The following PACSIN1 variants were observed in gnomAD, a reference collection of about 807,000 sequenced individuals.
The protein encoded by PACSIN1 is protein kinase C and casein kinase substrate in neurons 1.
In PACSIN1, 15 loss-of-function variants were observed where a neutral mutation model predicts 59.5. The observed-to-expected ratio is 0.25, with a 90% CI of 0.17 to 0.39. PACSIN1 has a LOEUF of 0.39. Among genes scored for constraint, PACSIN1 ranks in the 10% least tolerant of loss-of-function variants. The pLI, the probability that PACSIN1 is intolerant of heterozygous loss-of-function variation, is 1.00. For synonymous variants in PACSIN1, 210 were observed against 220.6 expected, an observed-to-expected ratio of 0.95 and a Z score of 0.42; for missense variants, 420 against 580.2, an observed-to-expected ratio of 0.72 and a Z score of 2.84.
chr6:34,487,190 CAATT>C (rs1766807659), intron 1 of PACSIN1, among the ~76,000 whole-genome samples: 1 of 151,898 alleles, frequency 6.6e-6, no homozygotes, highest in Non-Finnish European at 1.5e-5. Context: ...ATCAGTTAAT[CAATT>C]AATTAAAGTA....
At chr6:34,509,484 T>C (rs1767166335) in intron 1 of PACSIN1, among the ~76,000 whole-genome samples, 1 of 152,220 alleles carries the variant, frequency 6.6e-6, no homozygotes, top group Non-Finnish European at 1.5e-5. Context: ...TAGTAATATG[T>C]TTTGAAATCA....
rs764615541 is a variant in PACSIN1, at chr6:34,527,313, C to G, written c.64-19C>G. The G allele has an allele frequency of 7.2e-6, 11 of 1,530,556 alleles. No individual in the cohort carries two copies. The highest frequency in any genetic ancestry group is 8.8e-6 in the Non-Finnish European group (10 of 1,137,038). 94.8% of individuals were successfully genotyped at this position (1,530,556 alleles called of 1,614,324 possible). A position where few individuals can be genotyped will look rare whatever the true frequency, so the allele number is the denominator to read the frequency against. On this transcript the variant is annotated intron_variant, in intron 2 of 9. Transcript: ENST00000244458. ...ACGCTGGGAACCCGCGGGAGTGGTG[C>G]TCGCTGCTTGGCCGCCAGGTGGGGA...
rs375420554 is a variant in PACSIN1, at chr6:34,526,280, C to T, written c.-26C>T. 1.2e-5 allele frequency: 19 copies of T among 1,607,006 alleles called. No homozygotes were observed. Among genetic ancestry groups the T allele is most frequent in the African/African-American group, 8.0e-5 (6 of 74,824 alleles). On this transcript the variant is annotated 5_prime_UTR_variant, in exon 2 of 10. Transcript: ENST00000244458. The stretch of plus-strand genomic sequence containing the variant: ...CGAGCCTGCTAACCGCAGCTCCGCA[C>T]TTGTCCATCCCCCTGCGGCTACACC...
chr6:34,479,453 T>C (rs903956883), intron 1 of PACSIN1, among the ~76,000 whole-genome samples: 5 of 152,202 alleles, frequency 3.3e-5, no homozygotes, highest in African/African-American at 1.2e-4. Context: ...TCTTTCTTTC[T>C]TTCTTTTTTG....
In PACSIN1 at chr6:34,521,482, C is replaced by A. The variant is rs1241977932; in HGVS notation, c.-63-4761C>A. ...AGGCAGCTTTCAGGAGATGCCTGGG[C>A]CTGAGGAGAGATGCCCTCCACGCTG... On this transcript the variant is annotated intron_variant, in intron 1 of 9. Coordinates refer to ENST00000244458, the MANE Select transcript of PACSIN1 (RefSeq NM_020804.5). The surrounding 1 kb of genome is among the most constrained non-coding windows in gnomAD (Gnocchi z 4.3). 6.6e-6 allele frequency among the ~76,000 whole-genome samples: 1 copy of A among 152,284 alleles called. No individual in the cohort carries two copies. The highest frequency in any genetic ancestry group is 1.5e-5 in the Non-Finnish European group (1 of 68,020).
chr6:34,489,863 G>A (rs966019385), intron 1 of PACSIN1, among the ~76,000 whole-genome samples: 41 of 152,320 alleles, frequency 2.7e-4, no homozygotes, highest in Middle Eastern at 3.4e-3. Flanking sequence ...CATAAAAAGC[G>A]TGTAAGCCCT....
intron 1 of PACSIN1, among the ~76,000 whole-genome samples, chr6:34,474,645 C>G (rs1181249734): frequency 1.3e-5 from 2 of 152,032 alleles, no homozygotes; most frequent in East Asian, 3.9e-4. Context: ...CAAAAATTAG[C>G]CAGGTGTGAT....
At position 34,529,989 on chromosome 6, in the gene PACSIN1, G is replaced by A. The variant is rs147978116; in HGVS notation, c.788+148G>A. ...GAAGGATGAGGCTTCAAACACAGGG[G>A]CTGTTGAGTGCAAGCTGACGCACAC... On this transcript the variant is annotated intron_variant, in intron 6 of 9. Transcript: ENST00000244458. This position sits in a 1 kb window ranked among gnomAD's most constrained non-coding sequence, Gnocchi z 6.3. 49 of 976,494 alleles carry A rather than the reference G, an allele frequency of 5.0e-5. No individual in the cohort carries two copies. In the East Asian group the frequency reaches 1.3e-3, roughly 25 times the overall value. The allele number at this position is 976,494 out of a possible 1,614,324, so 60.5% of individuals were successfully genotyped here.
intron 1 of PACSIN1, among the ~76,000 whole-genome samples, chr6:34,466,476 C>T (rs1766498149): frequency 6.6e-6 from 1 of 152,190 alleles, no homozygotes; most frequent in Non-Finnish European, 1.5e-5. Flanking sequence ...CCAGGCAGTG[C>T]CAGGATGCCA....
rs1238129508 is a variant in PACSIN1, at chr6:34,525,876, G to C, written c.-63-367G>C. Among the ~76,000 whole-genome samples, 1 of 152,150 alleles carries C rather than the reference G, an allele frequency of 6.6e-6. No homozygotes were observed. Among genetic ancestry groups the C allele is most frequent in the Non-Finnish European group, 1.5e-5 (1 of 68,012 alleles). On this transcript the variant is annotated intron_variant, in intron 1 of 9. Transcript: ENST00000244458. This position sits in a 1 kb window ranked among gnomAD's most constrained non-coding sequence, Gnocchi z 4.9. ...GCTGCTGAGGTTGGGAGCAAGGGCA[G>C]ACAGAAGGGCATTTACAGGGTCCCG...
At chr6:34,491,628 T>G (rs1312897803) in intron 1 of PACSIN1, among the ~76,000 whole-genome samples, 11 of 152,014 alleles carry the variant, frequency 7.2e-5, no homozygotes, top group Admixed American at 7.2e-4. Context: ...TTTTTTTTTT[T>G]GAGGCGAAGT....
At chr6:34,508,019 A>G (rs577103080) in intron 1 of PACSIN1, among the ~76,000 whole-genome samples, 1 of 152,342 alleles carries the variant, frequency 6.6e-6, no homozygotes, top group South Asian at 2.1e-4. Flanking sequence ...ACAGGAGTAC[A>G]AATTTGTCTT....
intron 4 of PACSIN1, 27 bp downstream of exon 4, chr6:34,528,904 G>T: frequency 7.2e-7 from 1 of 1,382,054 alleles, no homozygotes; most frequent in Non-Finnish European, 1.0e-6. Context: ...GCCACGGGCG[G>T]GGTGGGGTGG....
At chr6:34,486,823 C>T (rs559307603) in intron 1 of PACSIN1, among the ~76,000 whole-genome samples, 4 of 151,592 alleles carry the variant, frequency 2.6e-5, no homozygotes, top group Non-Finnish European at 5.9e-5. Context: ...TCTTCTGGAC[C>T]CTGGCTGCAC....
chr6:34,531,083 C>T lies in PACSIN1; in HGVS notation c.1037+496C>T, dbSNP rs1281492789. Among the ~76,000 whole-genome samples, 2 of 152,136 alleles carry T rather than the reference C, an allele frequency of 1.3e-5. No individual in the cohort carries two copies. The highest frequency in any genetic ancestry group is 4.8e-5 in the African/African-American group (2 of 41,414). ...CCCGGTCCAGATCACAGGAACCAAG[C>T]CTCCTCTCTAAAAGATAGTGGTAGC... On this transcript the variant is annotated intron_variant, in intron 8 of 9. Transcript: ENST00000244458. The surrounding 1 kb of genome is among the most constrained non-coding windows in gnomAD (Gnocchi z 4.4).
At chr6:34,507,420 C>T (rs1025095702) in intron 1 of PACSIN1, among the ~76,000 whole-genome samples, 4 of 152,054 alleles carry the variant, frequency 2.6e-5, no homozygotes, top group Admixed American at 1.3e-4. Context: ...GTGTATACTC[C>T]ATCTTGTTCA....
At position 34,468,565 on chromosome 6, in the gene PACSIN1, A is replaced by G. The variant is rs547754424; in HGVS notation, c.-64+2295A>G. Among the ~76,000 whole-genome samples the G allele has an allele frequency of 2.8e-3, 430 of 152,048 alleles. 4 individuals are homozygous for G. The highest frequency in any genetic ancestry group is 9.8e-3 in the African/African-American group (407 of 41,474). On this transcript the variant is annotated intron_variant, in intron 1 of 9. Coordinates refer to ENST00000244458, the MANE Select transcript of PACSIN1 (RefSeq NM_020804.5). ...CTCTGCCCCCTGGCTGCCCTGAGCTACTTTCAGTTCCTCAAGCAAGTGGGG... is the reference window on the plus strand; with the variant it reads ...CTCTGCCCCCTGGCTGCCCTGAGCTGCTTTCAGTTCCTCAAGCAAGTGGGG...
At chr6:34,509,220 CT>C (rs1300499744) in intron 1 of PACSIN1, among the ~76,000 whole-genome samples, 7 of 152,132 alleles carry the variant, frequency 4.6e-5, no homozygotes, top group Non-Finnish European at 1.0e-4. Flanking sequence ...CAAATTCATT[CT>C]TTTGCATGTA....
rs765348923 is a variant in PACSIN1, at chr6:34,532,476, G to T, written c.1281G>T (p.Arg427=). 11 of 1,574,220 alleles carry T rather than the reference G, an allele frequency of 7.0e-6. No homozygotes were observed. Among genetic ancestry groups the T allele is most frequent in the South Asian group, 4.7e-5 (4 of 85,642 alleles). The change falls in exon 10 of 10, where the codon CGG becomes CGT. Residue 427 remains arginine (R), a synonymous_variant. Coordinates refer to ENST00000244458, the MANE Select transcript of PACSIN1 (RefSeq NM_020804.5). This position sits in a 1 kb window ranked among gnomAD's most constrained non-coding sequence, Gnocchi z 5.2. ...ATGAGCAGGGCTGGTGCCGTGGGCG[G>T]CTGGACAGCGGGCAGCTGGGCCTCT... ...EEDEQGWCRG[R]LDSGQLGLYP...
Sources: gnomAD v4.1 joint callset for allele counts (sites outside exome capture counted in the v4.1 genomes callset) on GRCh38, gnomAD v4.1.1 for gene constraint, Gnocchi (gnomAD v3.1) non-coding constraint, MANE v1.5 for transcripts, NCBI Gene and HGNC (gene_info 2026-07-23, HGNC 2026-07-21) for gene names.